Variants in CDYL2 observed in about 807,000 individuals in gnomAD.
CDYL2 encodes chromodomain Y like 2, also known as chromodomain Y-like protein 2.
Under a neutral mutation model 49.4 loss-of-function variants are expected in CDYL2, and 23 were observed. The ratio of observed to expected loss-of-function variants is 0.47; its 90% CI spans 0.34 to 0.66. CDYL2 has a LOEUF of 0.66. Among genes scored for constraint, CDYL2 ranks in the 30% least tolerant of loss-of-function variants. The probability of loss-of-function intolerance (pLI) is 0.01; values close to 1 mark genes in which losing one functional copy is unlikely to be tolerated. For missense variants in CDYL2, 678 were observed against 656.4 expected, an observed-to-expected ratio of 1.03 and a Z score of -0.36; for synonymous variants, 360 against 268.8, an observed-to-expected ratio of 1.34 and a Z score of -3.32.
rs11412766 is a variant in CDYL2, at chr16:80,709,381, CAAAAAAA to C, written c.25-24259_25-24253del. 6.2e-4 allele frequency among the ~76,000 whole-genome samples: 58 copies of C among 93,976 alleles called. 1 individual carries two copies. Among genetic ancestry groups the C allele is most frequent in the Non-Finnish European group, 8.8e-4 (34 of 38,438 alleles). The allele number at this position is 93,976 out of a possible 152,430, so 61.7% of individuals were successfully genotyped here. A position where few individuals can be genotyped will look rare whatever the true frequency, so the allele number is the denominator to read the frequency against. Reference sequence around the variant, plus strand: ...TAGGCAACATAGCGAGACTCCATTTCAAAAAAAAAAAAAAAAGAAAATACAAATTTGT... The same window carrying C: ...TAGGCAACATAGCGAGACTCCATTTCAAAAAAAAAGAAAATACAAATTTGT... On this transcript the variant is annotated intron_variant, in intron 1 of 6. Coordinates refer to ENST00000570137, the MANE Select transcript of CDYL2 (RefSeq NM_152342.4).
intron 1 of CDYL2, among the ~76,000 whole-genome samples, chr16:80,785,757 A>C (rs773837071): frequency 3.5e-4 from 54 of 152,210 alleles, no homozygotes; most frequent in Non-Finnish European, 6.5e-4. Flanking sequence ...ACTGGTACCA[A>C]AACAGAGATA....
intron 1 of CDYL2, among the ~76,000 whole-genome samples, chr16:80,799,167 C>A (rs1037805378): frequency 2.0e-5 from 3 of 151,914 alleles, no homozygotes; most frequent in African/African-American, 7.3e-5. Flanking sequence ...CCCCCAAAAG[C>A]TAACATTTTA....
At chr16:80,715,971 C>A (rs1395288568) in intron 1 of CDYL2, among the ~76,000 whole-genome samples, 1 of 152,270 alleles carries the variant, frequency 6.6e-6, no homozygotes, top group East Asian at 1.9e-4. Flanking sequence ...AGCTCTGTCG[C>A]CGACCTGTGG....
chr16:80,683,562 C>G (rs12447921), intron 2 of CDYL2, among the ~76,000 whole-genome samples: 1 of 148,854 alleles, frequency 6.7e-6, no homozygotes, highest in African/African-American at 2.6e-5. Context: ...GGCTGCCAAT[C>G]GAAAGAATTA....
At position 80,604,560 on chromosome 16, in the gene CDYL2, G is replaced by A. The variant is rs1462190373; in HGVS notation, c.1363-14C>T. On this transcript the variant is annotated splice_polypyrimidine_tract_variant and intron_variant, in intron 6 of 6. Coordinates refer to ENST00000570137, the MANE Select transcript of CDYL2 (RefSeq NM_152342.4). ...CTCCTCTAACACCTAGAGGGAAATA[G>A]ACAGGCCTGATTAGCCGGGCACCAG... 2 of 1,613,994 alleles carry A rather than the reference G, an allele frequency of 1.2e-6. No homozygotes were observed. Among genetic ancestry groups the A allele is most frequent in the Non-Finnish European group, 8.5e-7 (1 of 1,179,984 alleles).
At chr16:80,666,089 G>A (rs1284884052) in intron 2 of CDYL2, among the ~76,000 whole-genome samples, 2 of 152,146 alleles carry the variant, frequency 1.3e-5, no homozygotes, top group East Asian at 1.9e-4. Flanking sequence ...AGGACCCACT[G>A]CTTCATCCTT....
chr16:80,793,331 G>T (rs566489180), intron 1 of CDYL2, among the ~76,000 whole-genome samples: 2 of 152,144 alleles, frequency 1.3e-5, no homozygotes, highest in African/African-American at 4.8e-5. Context: ...CTGTGATGAG[G>T]GACAATGGCT....
intron 1 of CDYL2, among the ~76,000 whole-genome samples, chr16:80,764,437 T>C (rs1482472522): frequency 6.6e-6 from 1 of 152,114 alleles, no homozygotes; most frequent in African/African-American, 2.4e-5. Flanking sequence ...ATTTTAGGAC[T>C]GATGCTATTC....
intron 3 of CDYL2, among the ~76,000 whole-genome samples, chr16:80,630,658 G>A (rs2142388901): frequency 6.6e-6 from 1 of 152,110 alleles, no homozygotes; most frequent in South Asian, 2.1e-4. Flanking sequence ...AGGATGGAGA[G>A]GCCCCCAAAA....
intron 1 of CDYL2, among the ~76,000 whole-genome samples, chr16:80,790,491 A>G (rs1907574861): frequency 6.6e-6 from 1 of 152,220 alleles, no homozygotes; most frequent in Admixed American, 6.5e-5. Context: ...TCCTCTTTCT[A>G]TTAAATACAA....
rs371195745 is a variant in CDYL2 at position 80,687,100 on chromosome 16, A to G, written c.25-1971T>C. On this transcript the variant is annotated intron_variant, in intron 1 of 6. Transcript: ENST00000570137. ...CTGCAGCTTTGCTCTTTTTGTGAAC[A>G]TTGTAGGGAGAAACTCTCTACAGGT... 2.6e-4 allele frequency among the ~76,000 whole-genome samples: 39 copies of G among 152,336 alleles called. No individual in the cohort carries two copies. In the South Asian group the frequency reaches 6.8e-3, roughly 27 times the overall value.
intron 2 of CDYL2, among the ~76,000 whole-genome samples, chr16:80,680,177 A>C (rs1428566453): frequency 6.6e-6 from 1 of 152,224 alleles, no homozygotes; most frequent in African/African-American, 2.4e-5. Context: ...GAAAATGGCA[A>C]ATGTTGCGTG....
At chr16:80,673,344 A>T (rs112903049) in intron 2 of CDYL2, among the ~76,000 whole-genome samples, 2,054 of 152,218 alleles carry the variant, frequency 0.013, 25 homozygotes, top group African/African-American at 0.031. Context: ...AAATAATTTT[A>T]AAAAAATCAA....
At chr16:80,710,554 T>A (rs1217052984) in intron 1 of CDYL2, among the ~76,000 whole-genome samples, 8 of 152,194 alleles carry the variant, frequency 5.3e-5, no homozygotes, top group Non-Finnish European at 5.9e-5. Context: ...AAAGACTATG[T>A]AACCAAGTAG....
At chr16:80,715,849 C>T (rs1349298833) in intron 1 of CDYL2, among the ~76,000 whole-genome samples, 1 of 152,192 alleles carries the variant, frequency 6.6e-6, no homozygotes, top group Non-Finnish European at 1.5e-5. Flanking sequence ...AGTGCCTGGC[C>T]CTTGTGCCCT....
chr16:80,653,368 G>A (rs1908669782), intron 2 of CDYL2, among the ~76,000 whole-genome samples: 1 of 152,276 alleles, frequency 6.6e-6, no homozygotes, highest in East Asian at 1.9e-4. Flanking sequence ...GGAAGTCTGA[G>A]GCAGGAGAAT....
intron 1 of CDYL2, among the ~76,000 whole-genome samples, chr16:80,692,119 G>A (rs546866828): frequency 1.3e-5 from 2 of 152,264 alleles, no homozygotes; most frequent in Non-Finnish European, 2.9e-5. Flanking sequence ...TCTAAACAGG[G>A]CAGAAACGCT....
intron 3 of CDYL2, among the ~76,000 whole-genome samples, chr16:80,624,375 G>T (rs757146218): frequency 9.0e-4 from 137 of 152,278 alleles, no homozygotes; most frequent in Admixed American, 2.4e-3. Context: ...CCTGTATGTG[G>T]ATTTGAAGTT....
chr16:80,622,585 G>A (rs546912970), intron 3 of CDYL2, among the ~76,000 whole-genome samples: 1 of 152,236 alleles, frequency 6.6e-6, no homozygotes, highest in African/African-American at 2.4e-5. Context: ...TCAGAGCCTA[G>A]CACAGTGCCT....
Sources: allele counts gnomAD v4.1 joint callset (sites outside exome capture counted in the v4.1 genomes callset), GRCh38; gene constraint gnomAD v4.1.1; transcripts MANE v1.5; gene names NCBI Gene and HGNC (gene_info 2026-07-23, HGNC 2026-07-21).